APC: variants seen among roughly 807,000 people sequenced by gnomAD.
The protein encoded by APC is adenomatous polyposis coli protein.
Under a neutral mutation model 247.0 loss-of-function variants are expected in APC, and 72 were observed. The observed-to-expected ratio is 0.29, with a 90% CI of 0.24 to 0.35. The LOEUF is 0.35. Among genes scored for constraint, APC ranks in the 10% least tolerant of loss-of-function variants. APC has a pLI of 1.00. For missense variants in APC, 3,400 were observed against 3,360.7 expected (o/e 1.01, Z -0.29); for synonymous variants, 1,254 against 1,162.5 (o/e 1.08, Z -1.60).
rs756875223 is a variant in APC at position 112,843,602 on chromosome 5, A to G, written c.8008A>G (p.Arg2670Gly). Residue 2670 changes from arginine to glycine, a missense_variant, in exon 16 of 16, where the codon AGA (arginine) becomes GGA (glycine). This residue lies in a region of APC where 1,788 missense variants were observed against 1,649.5 expected (regional missense o/e 1.08). Coordinates refer to ENST00000257430, the MANE Select transcript of APC (RefSeq NM_000038.6). The surrounding 1 kb of genome is among the most constrained non-coding windows in gnomAD (Gnocchi z 4.8). Reference protein sequence around the residue: ...RIEDCPINNPRSGRSPTGNTP... With the variant: ...RIEDCPINNPGSGRSPTGNTP... The stretch of plus-strand genomic sequence containing the variant: ...TGAGGACTGTCCCATTAACAATCCT[A>G]GATCTGGAAGATCTCCCACAGGTAA... 6.2e-7 allele frequency: 1 copy of G among 1,614,008 alleles called. No individual in the cohort carries two copies. The highest frequency in any genetic ancestry group is 1.7e-5 in the Admixed American group (1 of 60,002).
rs1208660533 is a variant in APC, at chr5:112,842,931, A to C, written c.7337A>C (p.Glu2446Ala). ...GTACGCCAGTCAACTTTCATCAAAG[A>C]AGCTCCAAGCCCAACCTTAAGAAGA... The part of the protein sequence containing the change: ...VLVRQSTFIK[E>A]APSPTLRRKL... Residue 2446 changes from glutamate to alanine, a missense_variant, in exon 16 of 16, where the codon GAA becomes GCA. Transcript: ENST00000257430. 1.2e-6 allele frequency: 2 copies of C among 1,614,038 alleles called. No homozygotes were observed. Among genetic ancestry groups the C allele is most frequent in the Non-Finnish European group, 8.5e-7 (1 of 1,179,896 alleles).
intron 1 of APC, chr5:112,738,513 A>T (rs772029681): frequency 9.1e-6 from 9 of 984,752 alleles, no homozygotes; most frequent in Non-Finnish European, 1.1e-5. Flanking sequence ...GGTCACCAGT[A>T]GTGTGCCTGC....
chr5:112,775,773 T>C (rs1757580419), intron 5 of APC, 36 bp downstream of exon 5: 6 of 1,152,006 alleles, frequency 5.2e-6, no homozygotes, highest in African/African-American at 1.5e-5. Flanking sequence ...TTTGAAACTT[T>C]AATAACTTGA....
At position 112,722,265 on chromosome 5, in the gene APC, A is replaced by T. The variant is rs530251314; in HGVS notation, c.165+14383A>T. ...GAGTTACATAAATTTCCATACTATTATGGCATTTTAAACACTGTGTGTTTC... is the reference window on the plus strand; with the variant it reads ...GAGTTACATAAATTTCCATACTATTTTGGCATTTTAAACACTGTGTGTTTC... On this transcript the variant is annotated intron_variant, in intron 1 of 13. Coordinates refer to the APC transcript ENST00000507379. Among the ~76,000 whole-genome samples, 16 of 152,308 alleles carry T rather than the reference A, an allele frequency of 1.1e-4. No homozygotes were observed. In the East Asian group the frequency reaches 3.1e-3, roughly 29 times the overall value.
intron 1 of APC, among the ~76,000 whole-genome samples, chr5:112,741,919 C>G (rs553082763): frequency 6.6e-6 from 1 of 152,078 alleles, no homozygotes; most frequent in East Asian, 1.9e-4. Context: ...CATAATGTCT[C>G]GAAGGTTCAT....
chr5:112,723,380 T>A (rs1437385845), intron 1 of APC, among the ~76,000 whole-genome samples: 1 of 152,028 alleles, frequency 6.6e-6, no homozygotes, highest in Non-Finnish European at 1.5e-5. Context: ...GAGAATTGCT[T>A]GAGCCTGTGA....
intron 11 of APC, among the ~76,000 whole-genome samples, chr5:112,823,109 T>G (rs543701622): frequency 4.6e-5 from 7 of 152,330 alleles, no homozygotes; most frequent in African/African-American, 1.7e-4. Context: ...CATTTTAAAT[T>G]TTTTAAAATG....
At position 112,841,314 on chromosome 5, in the gene APC, C is replaced by T. The variant is rs573184569; in HGVS notation, c.5720C>T (p.Ala1907Val). 1.9e-6 allele frequency: 3 copies of T among 1,613,978 alleles called. No individual in the cohort carries two copies. In the South Asian group the frequency reaches 3.3e-5, roughly 18 times the overall value. ...GAACTAACCTCCAACCAACAATCAG[C>T]TAATAAGACACAAGCTATTGCAAAG... ...HTELTSNQQS[A>V]NKTQAIAKQP... The change falls in exon 16 of 16, where the codon GCT (alanine) becomes GTT (valine). Residue 1907 changes from alanine to valine, a missense_variant. Transcript: ENST00000257430. The surrounding 1 kb of genome is among the most constrained non-coding windows in gnomAD (Gnocchi z 4.6).
upstream of APC, chr5:112,737,764 T>A: frequency 1.2e-6 from 1 of 855,244 alleles, no homozygotes; most frequent in Non-Finnish European, 1.4e-6. Context: ...GAGAAGCAGC[T>A]GTGTAATCCG....
At chr5:112,729,180 A>G (rs963423938) in intron 1 of APC, among the ~76,000 whole-genome samples, 2 of 152,228 alleles carry the variant, frequency 1.3e-5, no homozygotes, top group African/African-American at 4.8e-5. Context: ...AAAAAGCACC[A>G]AGCACTGTTA....
intron 1 of APC, among the ~76,000 whole-genome samples, chr5:112,744,973 A>G (rs1753475844): frequency 6.6e-6 from 1 of 152,160 alleles, no homozygotes; most frequent in South Asian, 2.1e-4. Context: ...AGTAACACCT[A>G]CCTCATAGGT....
intron 1 of APC, among the ~76,000 whole-genome samples, chr5:112,748,868 G>A (rs1753973449): frequency 6.6e-6 from 1 of 152,132 alleles, no homozygotes; most frequent in African/African-American, 2.4e-5. Flanking sequence ...ATGTTGGCTT[G>A]TGTCTGTAGT....
chr5:112,770,876 A>G (rs1319814565), intron 4 of APC, among the ~76,000 whole-genome samples: 2 of 152,156 alleles, frequency 1.3e-5, no homozygotes, highest in South Asian at 2.1e-4. Flanking sequence ...ACATACATAT[A>G]TATAAGTTCT....
chr5:112,801,953 A>C (rs1335862915), intron 8 of APC, among the ~76,000 whole-genome samples: 1 of 151,994 alleles, frequency 6.6e-6, no homozygotes, highest in Non-Finnish European at 1.5e-5. Flanking sequence ...TTACATACAG[A>C]ACTGTTATTT....
At chr5:112,828,152 C>A in intron 13 of APC, 146 bp downstream of exon 13, 1 of 737,284 alleles carries the variant, frequency 1.4e-6, no homozygotes, top group Non-Finnish European at 2.4e-6. Flanking sequence ...CCTCCCACTT[C>A]AGCCTCTCGA....
In APC at chr5:112,757,478, A is replaced by G. The variant is rs549506445; in HGVS notation, c.135+2453A>G. 3.3e-5 allele frequency among the ~76,000 whole-genome samples: 5 copies of G among 152,224 alleles called. No homozygotes were observed. The East Asian group carries it at 9.7e-4, about 29-fold the overall frequency. ...GCTGGGCACCGTGGCTCATACCTAT[A>G]ATCCTAGCACTTTCGGAGGCCAAGC... On this transcript the variant is annotated intron_variant, in intron 2 of 15. Transcript: ENST00000257430.
At chr5:112,825,530 T>C (rs1421369226) in intron 11 of APC, among the ~76,000 whole-genome samples, 1 of 152,172 alleles carries the variant, frequency 6.6e-6, no homozygotes, top group African/African-American at 2.4e-5. Context: ...AACGCATCTT[T>C]CTTCTTCCTG....
At chr5:112,816,868 A>AT (rs768033328) in intron 9 of APC, among the ~76,000 whole-genome samples, 1 of 151,238 alleles carries the variant, frequency 6.6e-6, no homozygotes, top group Non-Finnish European at 1.5e-5. Flanking sequence ...TTTTTATTTT[A>AT]TTTATTTATT....
At chr5:112,747,607 C>G (rs77383928) in intron 1 of APC, among the ~76,000 whole-genome samples, 1 of 152,124 alleles carries the variant, frequency 6.6e-6, no homozygotes, top group Non-Finnish European at 1.5e-5. Context: ...TCACCTCTTT[C>G]GCCTAAGACC....
Sources: gnomAD v4.1 joint callset for allele counts (sites outside exome capture counted in the v4.1 genomes callset) on GRCh38, gnomAD v4.1.1 for gene constraint, gnomAD v4.1.1 regional missense constraint, Gnocchi (gnomAD v3.1) non-coding constraint, MANE v1.5 for transcripts, NCBI Gene and HGNC (gene_info 2026-07-23, HGNC 2026-07-21) for gene names.